The following BACH2 variants were observed in gnomAD, a reference collection of about 807,000 sequenced individuals.
BACH2 encodes transcription regulator protein BACH2.
BACH2 carries 5 observed loss-of-function variants against 61.8 expected under a neutral mutation model. That is an observed-to-expected ratio of 0.08 (90% CI 0.04 to 0.17). The LOEUF is 0.17. BACH2 is among the 10% of genes least tolerant of loss of function. The pLI, the probability that BACH2 is intolerant of heterozygous loss-of-function variation, is 1.00. For missense variants in BACH2, 824 were observed against 1,091.1 expected, an observed-to-expected ratio of 0.76 and a Z score of 3.45; for synonymous variants, 446 against 440.1, an observed-to-expected ratio of 1.01 and a Z score of -0.17.
At chr6:90,270,766 C>T (rs1049592545) in intron 2 of BACH2, among the ~76,000 whole-genome samples, 10 of 152,036 alleles carry the variant, frequency 6.6e-5, no homozygotes, top group Admixed American at 6.5e-4. Flanking sequence ...GTACACATAG[C>T]CAATAGAACA....
At chr6:90,207,181 T>C (rs774127598) in intron 3 of BACH2, among the ~76,000 whole-genome samples, 2 of 152,164 alleles carry the variant, frequency 1.3e-5, no homozygotes, top group African/African-American at 2.4e-5. Flanking sequence ...TGCAGTGGCA[T>C]GACCACGGCT....
At chr6:90,168,987 T>G (rs903261106) in intron 4 of BACH2, among the ~76,000 whole-genome samples, 1 of 152,192 alleles carries the variant, frequency 6.6e-6, no homozygotes, top group Non-Finnish European at 1.5e-5. Flanking sequence ...GTGAACTATC[T>G]CCAGCTAATA....
At chr6:90,197,760 C>T (rs771719838) in intron 4 of BACH2, among the ~76,000 whole-genome samples, 4 of 152,204 alleles carry the variant, frequency 2.6e-5, no homozygotes, top group Non-Finnish European at 4.4e-5. Context: ...TGATGAAGGA[C>T]GGCCCAGGGC....
chr6:89,979,692 T>C (rs750147422), intron 6 of BACH2, among the ~76,000 whole-genome samples: 1 of 152,210 alleles, frequency 6.6e-6, no homozygotes, highest in Non-Finnish European at 1.5e-5. Context: ...TATCTGTTCA[T>C]TGAACAAACC....
intron 1 of BACH2, among the ~76,000 whole-genome samples, chr6:90,296,239 GA>G: frequency 6.6e-6 from 1 of 152,060 alleles, no homozygotes; most frequent in African/African-American, 2.4e-5. Context: ...AGCCGGGAGG[GA>G]GAGCACACAT....
In BACH2 at chr6:90,296,781, G is replaced by T. The variant is rs935913468; in HGVS notation, c.-747C>A. 1 of 172,594 alleles carries T rather than the reference G, an allele frequency of 5.8e-6. No homozygotes were observed. The highest frequency in any genetic ancestry group is 1.2e-5 in the Non-Finnish European group (1 of 84,720). The allele number at this position is 172,594 out of a possible 1,614,324, so 10.7% of individuals were successfully genotyped here. ...GTGCGACCGCAGCCCGGGCGTGCAC[G>T]GCCGCTGCTGCCGCTGCTGCTGCTG... On this transcript the variant is annotated 5_prime_UTR_variant, in exon 1 of 9. Transcript: ENST00000257749.
At chr6:89,989,549 T>G (rs1250662000) in intron 6 of BACH2, among the ~76,000 whole-genome samples, 1 of 152,114 alleles carries the variant, frequency 6.6e-6, no homozygotes, top group African/African-American at 2.4e-5. Flanking sequence ...TATCCTGGGA[T>G]ATCCTCCGGG....
chr6:90,242,947 T>G (rs1285460922), intron 3 of BACH2, among the ~76,000 whole-genome samples: 1 of 151,952 alleles, frequency 6.6e-6, no homozygotes, highest in African/African-American at 2.4e-5. Context: ...TGGCGTGATC[T>G]TGGCTCACTG....
chr6:90,201,626 GT>G, intron 4 of BACH2, among the ~76,000 whole-genome samples: 1 of 152,232 alleles, frequency 6.6e-6, no homozygotes, highest in Middle Eastern at 3.4e-3. Flanking sequence ...TTTCAGAATA[GT>G]TCAGAATGTC....
Position 90,229,492 on chromosome 6 carries a change from G to A in BACH2, c.-274-22811C>T, listed in dbSNP as rs540963905. On this transcript the variant is annotated intron_variant, in intron 3 of 8. Transcript: ENST00000257749. ...AAAAGAAAAAAAAAATGTCTGGGGT[G>A]GAAGCCAGGCCATCTGTAGCTCTTA... Among the ~76,000 whole-genome samples, 7 of 152,156 alleles carry A rather than the reference G, an allele frequency of 4.6e-5. No individual in the cohort carries two copies. In the South Asian group the frequency reaches 1.5e-3, roughly 32 times the overall value.
chr6:90,150,653 T>C (rs954191066), intron 4 of BACH2, among the ~76,000 whole-genome samples: 5 of 151,998 alleles, frequency 3.3e-5, no homozygotes, highest in African/African-American at 9.7e-5. Context: ...CTGTGAAGTG[T>C]CTTGGAGTGC....
chr6:90,033,478 A>G (rs1310394150), intron 5 of BACH2, among the ~76,000 whole-genome samples: 1 of 152,130 alleles, frequency 6.6e-6, no homozygotes, highest in Non-Finnish European at 1.5e-5. Context: ...TTAATAACTT[A>G]TAATTTGGAA....
intron 5 of BACH2, among the ~76,000 whole-genome samples, chr6:90,059,838 A>G (rs1376369332): frequency 6.6e-6 from 1 of 152,000 alleles, no homozygotes; most frequent in African/African-American, 2.4e-5. Context: ...ACATGGATCA[A>G]GTTGGAAACC....
At chr6:89,986,641 G>A (rs1378373989) in intron 6 of BACH2, among the ~76,000 whole-genome samples, 1 of 152,128 alleles carries the variant, frequency 6.6e-6, no homozygotes, top group African/African-American at 2.4e-5. Flanking sequence ...CTCTCTGAAT[G>A]TTCTGATGCT....
chr6:90,147,462 C>T (rs1482009368), intron 4 of BACH2, among the ~76,000 whole-genome samples: 1 of 152,176 alleles, frequency 6.6e-6, no homozygotes, highest in Non-Finnish European at 1.5e-5. Context: ...ACTTGGAGAG[C>T]CGTTCCGCGG....
intron 5 of BACH2, chr6:90,062,802 A>G (rs1780753387): frequency 2.0e-6 from 1 of 498,104 alleles, no homozygotes; most frequent in Non-Finnish European, 2.6e-6. Context: ...GCAATTGACA[A>G]ACTACTCAAA....
intron 6 of BACH2, among the ~76,000 whole-genome samples, chr6:90,000,366 T>TA (rs1436930398): frequency 6.6e-6 from 1 of 152,260 alleles, no homozygotes; most frequent in African/African-American, 2.4e-5. Context: ...AGCAAGTAGT[T>TA]ACCTGAAATA....
intron 4 of BACH2, among the ~76,000 whole-genome samples, chr6:90,127,828 G>A (rs910976799): frequency 6.6e-6 from 1 of 152,180 alleles, no homozygotes; most frequent in African/African-American, 2.4e-5. Context: ...GAGAAGTCAC[G>A]GGACTTGAAA....
intron 4 of BACH2, among the ~76,000 whole-genome samples, chr6:90,108,668 G>T (rs1255509866): frequency 6.6e-6 from 1 of 152,230 alleles, no homozygotes; most frequent in East Asian, 1.9e-4. Flanking sequence ...CAGCCCAGAG[G>T]AAGAGAACCA....
Sources: gnomAD v4.1 joint callset for allele counts (sites outside exome capture counted in the v4.1 genomes callset) on GRCh38, gnomAD v4.1.1 for gene constraint, MANE v1.5 for transcripts, NCBI Gene and HGNC (gene_info 2026-07-23, HGNC 2026-07-21) for gene names.